TXNDC16: variants seen among roughly 807,000 people sequenced by gnomAD.
TXNDC16 encodes thioredoxin domain-containing protein 16.
In TXNDC16, 74 loss-of-function variants were observed where a neutral mutation model predicts 85.6. The ratio of observed to expected loss-of-function variants is 0.86; its 90% CI spans 0.72 to 1.05. TXNDC16 has a LOEUF of 1.05. Ranked by LOEUF, TXNDC16 falls within the 50% of genes least tolerant of loss-of-function variation. TXNDC16 has a pLI of 0.00. For synonymous variants in TXNDC16, 335 were observed against 326.5 expected, an observed-to-expected ratio of 1.03 and a Z score of -0.28; for missense variants, 959 against 947.0, an observed-to-expected ratio of 1.01 and a Z score of -0.17.
chr14:52,452,300 GAT>G lies in TXNDC16; in HGVS notation c.1842+3022_1842+3023del, dbSNP rs2035430502. Reference sequence around the variant, plus strand: ...ATGCAAGCCCTATCAAAATACCAATGATATTCTTCACAGAAATAGAAAAAATA... The same window carrying G: ...ATGCAAGCCCTATCAAAATACCAATGATTCTTCACAGAAATAGAAAAAATA... On this transcript the variant is annotated intron_variant, in intron 18 of 20. Transcript: ENST00000281741. Among the ~76,000 whole-genome samples, 3 of 152,168 alleles carry G rather than the reference GAT, an allele frequency of 2.0e-5. No homozygotes were observed. In the South Asian group the frequency reaches 6.2e-4, roughly 32 times the overall value.
intron 20 of TXNDC16, among the ~76,000 whole-genome samples, chr14:52,435,739 T>C (rs1279138828): frequency 6.6e-6 from 1 of 151,476 alleles, no homozygotes; most frequent in Non-Finnish European, 1.5e-5. Context: ...GGAGGGAGGG[T>C]TGCTTGAGGC....
chr14:52,470,131 T>G lies in TXNDC16; in HGVS notation c.1524A>C (p.Glu508Asp). 1 of 1,611,288 alleles carries G rather than the reference T, an allele frequency of 6.2e-7. No individual in the cohort carries two copies. Among genetic ancestry groups the G allele is most frequent in the Non-Finnish European group, 8.5e-7 (1 of 1,178,332 alleles). ...ATTCCCCACTTAAATATTCTTCTGC[T>G]TCTTGGATCGATGTTATATTCACTG... ...SYPVNITSIQ[E>D]AEEYLSGELY... Residue 508 changes from glutamate to aspartate, a missense_variant, in exon 16 of 21, where the codon GAA becomes GAC. Coordinates refer to ENST00000281741, the MANE Select transcript of TXNDC16 (RefSeq NM_020784.3).
At chr14:52,535,415 A>G (rs2037677198) in intron 6 of TXNDC16, among the ~76,000 whole-genome samples, 1 of 152,110 alleles carries the variant, frequency 6.6e-6, no homozygotes, top group African/African-American at 2.4e-5. Flanking sequence ...TTGGGACTGG[A>G]ACATTTGTAA....
chr14:52,492,199 T>A (rs1209287120), intron 9 of TXNDC16, among the ~76,000 whole-genome samples: 1 of 152,196 alleles, frequency 6.6e-6, no homozygotes, highest in African/African-American at 2.4e-5. Flanking sequence ...TAACCAAATG[T>A]TGAGACGTTC....
At chr14:52,466,966 T>A (rs1469336123) in intron 16 of TXNDC16, among the ~76,000 whole-genome samples, 1 of 151,870 alleles carries the variant, frequency 6.6e-6, no homozygotes, top group Non-Finnish European at 1.5e-5. Context: ...AAATTACTAA[T>A]GTTCACCTAG....
chr14:52,470,369 TAC>T lies in TXNDC16; in HGVS notation c.1481+141_1481+142del, dbSNP rs994852358. On this transcript the variant is annotated intron_variant, in intron 15 of 20. Transcript: ENST00000281741. The stretch of plus-strand genomic sequence containing the variant: ...CTATCTCCCGAAAAGTGTTGAAATG[TAC>T]ACAGACTTTCATAAATATTCATTTT... 5 of 1,075,672 alleles carry T rather than the reference TAC, an allele frequency of 4.6e-6. No homozygotes were observed. In the African/African-American group the frequency reaches 4.8e-5, roughly 10 times the overall value. 66.6% of individuals were successfully genotyped at this position (1,075,672 alleles called of 1,614,324 possible).
chr14:52,505,554 A>G (rs1250006545), intron 9 of TXNDC16, among the ~76,000 whole-genome samples: 1 of 152,246 alleles, frequency 6.6e-6, no homozygotes, highest in Non-Finnish European at 1.5e-5. Context: ...TCTCTGGGAC[A>G]CATTCAAAGC....
At chr14:52,510,393 A>G (rs2036926759) in intron 9 of TXNDC16, among the ~76,000 whole-genome samples, 1 of 152,204 alleles carries the variant, frequency 6.6e-6, no homozygotes, top group Non-Finnish European at 1.5e-5. Context: ...TAATCCCTCT[A>G]GTTTCACATC....
rs578090352 is a variant in TXNDC16, at chr14:52,543,442, G to C, written c.116C>G (p.Thr39Arg). 1.2e-6 allele frequency: 2 copies of C among 1,612,966 alleles called. No individual in the cohort carries two copies. The highest frequency in any genetic ancestry group is 2.7e-5 in the African/African-American group (2 of 74,868). Residue 39 changes from threonine (T) to arginine (R), a missense_variant, in exon 3 of 21, where the codon ACA becomes AGA. By Grantham distance (71) the Thr-to-Arg change is moderately conservative. Transcript: ENST00000281741. ...TAAAGAGGCTTTTCCTGGTTGCAAT[G>C]TACTAAAATATTTCTGAGGACTCAG... ...PELSPQKYFS[T>R]LQPGKASLAY...
intron 7 of TXNDC16, among the ~76,000 whole-genome samples, chr14:52,515,669 A>ATATGTGTGTG (rs1431250631): frequency 4.7e-4 from 68 of 144,348 alleles, no homozygotes; most frequent in African/African-American, 1.6e-3. Flanking sequence ...TTTCATACAT[A>ATATGTGTGTG]TGTGTGTGTG....
At chr14:52,489,052 T>C (rs1298595927) in intron 11 of TXNDC16, among the ~76,000 whole-genome samples, 1 of 152,198 alleles carries the variant, frequency 6.6e-6, no homozygotes, top group Non-Finnish European at 1.5e-5. Context: ...CACATTATAC[T>C]GAAGTCTGTA....
intron 20 of TXNDC16, 21 bp from the exon 21 acceptor site, chr14:52,432,608 A>G: frequency 6.3e-7 from 1 of 1,579,872 alleles, no homozygotes; most frequent in Admixed American, 1.9e-5. Context: ...GAAACAATCA[A>G]AGGTTAAAGA....
chr14:52,515,754 C>T (rs1280231735), intron 7 of TXNDC16, among the ~76,000 whole-genome samples: 2 of 149,746 alleles, frequency 1.3e-5, no homozygotes, highest in Non-Finnish European at 3.0e-5. Context: ...TTAGTATTAT[C>T]TGTTGACTTC....
At chr14:52,458,891 C>A (rs2035593646) in intron 16 of TXNDC16, among the ~76,000 whole-genome samples, 1 of 152,148 alleles carries the variant, frequency 6.6e-6, no homozygotes, top group Admixed American at 6.5e-5. Flanking sequence ...TTTGTAAATC[C>A]TAAGTGACTC....
At position 52,518,768 on chromosome 14, in the gene TXNDC16, T is replaced by G. The variant is rs377590818; in HGVS notation, c.514+404A>C. Among the ~76,000 whole-genome samples the G allele has an allele frequency of 1.3e-3, 191 of 152,222 alleles. 8 individuals carry two copies. The South Asian group carries it at 0.038, about 31-fold the overall frequency. On this transcript the variant is annotated intron_variant, in intron 7 of 20. Coordinates refer to ENST00000281741, the MANE Select transcript of TXNDC16 (RefSeq NM_020784.3). The stretch of plus-strand genomic sequence containing the variant: ...AAATTAAAAAAAAATAGCTAACACT[T>G]TCAGAGTACCTACTACACTCTAGGA...
intron 8 of TXNDC16, among the ~76,000 whole-genome samples, 181 bp downstream of exon 8, chr14:52,514,699 G>A (rs955432815): frequency 1.3e-5 from 2 of 152,070 alleles, no homozygotes; most frequent in Non-Finnish European, 2.9e-5. Context: ...TTTTAAGACT[G>A]TAATACAGCA....
intron 18 of TXNDC16, among the ~76,000 whole-genome samples, chr14:52,451,629 T>G (rs1290799006): frequency 6.6e-6 from 1 of 152,078 alleles, no homozygotes; most frequent in African/African-American, 2.4e-5. Flanking sequence ...TGAATAGCAT[T>G]TGATAAAACT....
At chr14:52,516,353 G>A (rs1014394105) in intron 7 of TXNDC16, among the ~76,000 whole-genome samples, 1 of 152,150 alleles carries the variant, frequency 6.6e-6, no homozygotes, top group Non-Finnish European at 1.5e-5. Flanking sequence ...ATAGTTGGCT[G>A]GGTACAGAAT....
chr14:52,530,203 T>C (rs867567662), intron 6 of TXNDC16, among the ~76,000 whole-genome samples: 1 of 74,640 alleles, frequency 1.3e-5, no homozygotes, highest in South Asian at 5.7e-4. Flanking sequence ...TTATATATAT[T>C]ATATTATACA....
Sources: allele counts gnomAD v4.1 joint callset (sites outside exome capture counted in the v4.1 genomes callset), GRCh38; gene constraint gnomAD v4.1.1; transcripts MANE v1.5; gene names NCBI Gene and HGNC (gene_info 2026-07-23, HGNC 2026-07-21).